CXCR2: variants seen among roughly 807,000 people sequenced by gnomAD.
CXCR2 encodes the protein C-X-C chemokine receptor type 2.
In CXCR2, 2 loss-of-function variants were observed where a neutral mutation model predicts 3.7. That is an observed-to-expected ratio of 0.55 (90% confidence interval 0.22 to 1.72). The LOEUF (loss-of-function observed/expected upper bound fraction) is 1.72. Among genes scored for constraint, CXCR2 ranks in the 40% most tolerant of loss-of-function variants. The pLI is 0.19. For missense variants in CXCR2, 351 were observed against 450.1 expected (o/e 0.78, Z 1.99); for synonymous variants, 203 against 193.3 (o/e 1.05, Z -0.41).
intron 2 of CXCR2, among the ~76,000 whole-genome samples, chr2:218,134,002 CG>C (rs1559452929): frequency 1.3e-5 from 2 of 152,232 alleles, no homozygotes. Flanking sequence ...ATTCCCAAAG[CG>C]GGTCTCCTTC....
Position 218,135,097 on chromosome 2 carries a change from T to C in CXCR2, c.296T>C (p.Leu99Pro). The part of the protein sequence containing the change: ...NLALADLLFA[L>P]TLPIWAASKV... ...GCCTTGGCCGACCTACTCTTTGCCC[T>C]GACCTTGCCCATCTGGGCCGCCTCC... The change falls in exon 3 of 3, where the codon CTG (leucine) becomes CCG (proline). Residue 99 changes from leucine (L) to proline (P), a missense_variant. Coordinates refer to ENST00000318507, the MANE Select transcript of CXCR2 (RefSeq NM_001557.4). The surrounding 1 kb of genome is among the most constrained non-coding windows in gnomAD (Gnocchi z 4.0). 2 of 1,614,256 alleles carry C rather than the reference T, an allele frequency of 1.2e-6. No homozygotes were observed. Among genetic ancestry groups the C allele is most frequent in the South Asian group, 1.1e-5 (1 of 91,086 alleles).
At chr2:218,134,628 C>G in intron 2 of CXCR2, 149 bp from the exon 3 acceptor site, 1 of 686,716 alleles carries the variant, frequency 1.5e-6, no homozygotes, top group South Asian at 2.1e-5. Context: ...TATCTCATAA[C>G]CTAAGAGCTA....
rs2228414 is a variant in CXCR2 at position 218,135,470 on chromosome 2, A to G, written c.669A>G (p.Pro223=). 2.1e-3 allele frequency: 3,326 copies of G among 1,614,144 alleles called. 82 individuals are homozygous for G. In the African/African-American group the frequency reaches 0.038, roughly 19 times the overall value. Reference sequence around the variant, plus strand: ...CCCAGTCCTTTGGCTTCATCGTGCCACTGCTGATCATGCTGTTCTGCTACG... The same window carrying G: ...CCCAGTCCTTTGGCTTCATCGTGCCGCTGCTGATCATGCTGTTCTGCTACG... ...ILPQSFGFIV[P]LLIMLFCYGF... The change falls in exon 3 of 3, where the codon CCA becomes CCG. Residue 223 remains proline, a synonymous_variant. Transcript: ENST00000318507. This position sits in a 1 kb window ranked among gnomAD's most constrained non-coding sequence, Gnocchi z 4.0.
rs771735134 is a variant in CXCR2, at chr2:218,135,435, C to T, written c.634C>T (p.Arg212Trp). 6.8e-6 allele frequency: 11 copies of T among 1,614,224 alleles called. No homozygotes were observed. Among genetic ancestry groups the T allele is most frequent in the Non-Finnish European group, 9.3e-6 (11 of 1,180,044 alleles). Reference protein sequence around the residue: ...NNTANWRMLLRILPQSFGFIV... With the variant: ...NNTANWRMLLWILPQSFGFIV... The stretch of plus-strand genomic sequence containing the variant: ...TACAGCAAACTGGCGGATGCTGTTA[C>T]GGATCCTGCCCCAGTCCTTTGGCTT... Residue 212 changes from arginine (R) to tryptophan (W), a missense_variant, in exon 3 of 3, where the codon CGG becomes TGG. Arg to Trp is a moderately radical substitution (Grantham distance 101). Coordinates refer to ENST00000318507, the MANE Select transcript of CXCR2 (RefSeq NM_001557.4). The surrounding 1 kb of genome is among the most constrained non-coding windows in gnomAD (Gnocchi z 4.0).
chr2:218,136,763 A>T lies in CXCR2; in HGVS notation c.*879A>T, dbSNP rs1299853902. Reference sequence around the variant, plus strand: ...GAAGTATCCTTCAGCCTGAAAGAGGAATGAAGTACTCATACATGTTACAAC... The same window carrying T: ...GAAGTATCCTTCAGCCTGAAAGAGGTATGAAGTACTCATACATGTTACAAC... On this transcript the variant is annotated 3_prime_UTR_variant, in exon 3 of 3. Coordinates refer to ENST00000318507, the MANE Select transcript of CXCR2 (RefSeq NM_001557.4). The T allele has an allele frequency of 1.2e-5, 2 of 167,134 alleles. No individual in the cohort carries two copies. Among genetic ancestry groups the T allele is most frequent in the African/African-American group, 4.8e-5 (2 of 41,466 alleles). 10.4% of individuals were successfully genotyped at this position (167,134 alleles called of 1,614,324 possible).
At position 218,136,910 on chromosome 2, in the gene CXCR2, AAC is replaced by A. The variant is rs1690823098; in HGVS notation, c.*1028_*1029del. 1 of 167,348 alleles carries A rather than the reference AAC, an allele frequency of 6.0e-6. No individual in the cohort carries two copies. Among genetic ancestry groups the A allele is most frequent in the Admixed American group, 6.5e-5 (1 of 15,286 alleles). 10.4% of individuals were successfully genotyped at this position (167,348 alleles called of 1,614,324 possible). On this transcript the variant is annotated 3_prime_UTR_variant, in exon 3 of 3. Transcript: ENST00000318507. ...ACAAATTTACAGAGACAGAAAGCAGAACAGTGATTACCAGGGACTGAGGGGAG... is the reference window on the plus strand; with the variant it reads ...ACAAATTTACAGAGACAGAAAGCAGAAGTGATTACCAGGGACTGAGGGGAG...
At chr2:218,131,114 C>T (rs1690634910) in intron 2 of CXCR2, 1 of 152,270 alleles carries the variant, frequency 6.6e-6, no homozygotes, top group Non-Finnish European at 1.5e-5. Flanking sequence ...ACATACAAGG[C>T]CCTGCTCTCT....
At chr2:218,125,449 C>T (rs1690486340), upstream of CXCR2, 2 of 152,038 alleles carry the variant, frequency 1.3e-5, no homozygotes, top group Non-Finnish European at 2.9e-5. Context: ...TGTTCAGTTC[C>T]TGCATTCGTT....
chr2:218,127,576 C>T (rs893738718), intron 1 of CXCR2, among the ~76,000 whole-genome samples: 1 of 152,190 alleles, frequency 6.6e-6, no homozygotes. Flanking sequence ...CTTTCTGGGA[C>T]ACAGGGAGGT....
intron 1 of CXCR2, among the ~76,000 whole-genome samples, chr2:218,127,416 C>T (rs1486273356): frequency 7.9e-5 from 12 of 152,184 alleles, no homozygotes; most frequent in African/African-American, 9.7e-5. Context: ...CATGAGCCAC[C>T]GCACCAGAAG....
intron 2 of CXCR2, among the ~76,000 whole-genome samples, chr2:218,130,156 T>TA (rs1157426356): frequency 6.6e-6 from 1 of 152,126 alleles, no homozygotes; most frequent in African/African-American, 2.4e-5. Flanking sequence ...CACGGTGGCT[T>TA]ACACCTGTAA....
chr2:218,131,179 T>A lies in CXCR2; in HGVS notation c.-26+1814T>A, dbSNP rs140829548. On this transcript the variant is annotated intron_variant, in intron 2 of 2. Coordinates refer to ENST00000318507, the MANE Select transcript of CXCR2 (RefSeq NM_001557.4). ...CCCTACATCTACTCTCAAAGATGGGTCTTCTGTTGGGTCATTTGTTCCCTT... is the reference window on the plus strand; with the variant it reads ...CCCTACATCTACTCTCAAAGATGGGACTTCTGTTGGGTCATTTGTTCCCTT... Among the ~76,000 whole-genome samples the A allele has an allele frequency of 3.3e-3, 506 of 152,344 alleles. 1 individual carries two copies. The highest frequency in any genetic ancestry group is 5.7e-3 in the Non-Finnish European group (386 of 68,024).
rs17844680 is a variant in CXCR2, at chr2:218,128,398, G to T, written c.-77-916G>T. 8.3e-3 allele frequency among the ~76,000 whole-genome samples: 1,270 copies of T among 152,290 alleles called. 23 individuals carry two copies. The highest frequency in any genetic ancestry group is 0.029 in the African/African-American group (1,203 of 41,552). ...GCCACAGGGATTGAGTCCCCTCTGG[G>T]CCCTGGGATGCATGGAGCAAGAGAT... On this transcript the variant is annotated intron_variant, in intron 1 of 2. Coordinates refer to ENST00000318507, the MANE Select transcript of CXCR2 (RefSeq NM_001557.4).
In CXCR2 at chr2:218,135,670, A is replaced by G; in HGVS notation, c.869A>G (p.Asn290Ser). The stretch of plus-strand genomic sequence containing the variant: ...ATCCAGGAGACCTGTGAGCGCCGCA[A>G]TCACATCGACCGGGCTCTGGATGCC... The part of the protein sequence containing the change: ...QVIQETCERR[N>S]HIDRALDATE... The change falls in exon 3 of 3, where the codon AAT becomes AGT. Residue 290 changes from asparagine to serine, a missense_variant. Transcript: ENST00000318507. The surrounding 1 kb of genome is among the most constrained non-coding windows in gnomAD (Gnocchi z 4.0). 1 of 1,613,984 alleles carries G rather than the reference A, an allele frequency of 6.2e-7. No homozygotes were observed. The highest frequency in any genetic ancestry group is 8.5e-7 in the Non-Finnish European group (1 of 1,179,970).
intron 2 of CXCR2, among the ~76,000 whole-genome samples, chr2:218,130,374 C>T (rs1344222238): frequency 6.6e-6 from 1 of 152,064 alleles, no homozygotes; most frequent in African/African-American, 2.4e-5. Flanking sequence ...GAGCCGAGAT[C>T]ACGCCATTGC....
intron 1 of CXCR2, among the ~76,000 whole-genome samples, chr2:218,128,221 A>C (rs906394865): frequency 2.6e-5 from 4 of 152,240 alleles, no homozygotes; most frequent in Non-Finnish European, 4.4e-5. Flanking sequence ...ATATGTAATA[A>C]GCCTCTATCT....
At chr2:218,132,241 A>T (rs2106104333) in intron 2 of CXCR2, among the ~76,000 whole-genome samples, 1 of 152,292 alleles carries the variant, frequency 6.6e-6, no homozygotes, top group Admixed American at 6.5e-5. Flanking sequence ...AGTCATTAAC[A>T]TTCCTCTCCC....
At position 218,135,503 on chromosome 2, in the gene CXCR2, C is replaced by T. The variant is rs750743590; in HGVS notation, c.702C>T (p.Thr234=). Residue 234 remains threonine, a synonymous_variant, in exon 3 of 3, where the codon ACC becomes ACT. Coordinates refer to ENST00000318507, the MANE Select transcript of CXCR2 (RefSeq NM_001557.4). This position sits in a 1 kb window ranked among gnomAD's most constrained non-coding sequence, Gnocchi z 4.0. ...LLIMLFCYGF[T]LRTLFKAHMG... is the part of the protein sequence containing the mutation. Reference sequence around the variant, plus strand: ...TCATGCTGTTCTGCTACGGATTCACCCTGCGTACGCTGTTTAAGGCCCACA... The same window carrying T: ...TCATGCTGTTCTGCTACGGATTCACTCTGCGTACGCTGTTTAAGGCCCACA... 2 of 1,614,190 alleles carry T rather than the reference C, an allele frequency of 1.2e-6. No individual in the cohort carries two copies. Among genetic ancestry groups the T allele is most frequent in the South Asian group, 2.2e-5 (2 of 91,082 alleles).
rs200811589 is a variant in CXCR2, at chr2:218,135,908, C to A, written c.*24C>A. 4 of 1,576,404 alleles carry A rather than the reference C, an allele frequency of 2.5e-6. No homozygotes were observed. The highest frequency in any genetic ancestry group is 3.6e-5 in the Admixed American group (2 of 55,948). On this transcript the variant is annotated 3_prime_UTR_variant, in exon 3 of 3. Coordinates refer to ENST00000318507, the MANE Select transcript of CXCR2 (RefSeq NM_001557.4). This position sits in a 1 kb window ranked among gnomAD's most constrained non-coding sequence, Gnocchi z 4.0. ...AAGACCTCCTGCCTAAGTGCAGCCC[C>A]GTGGGGTTCCTCCCTTCTCTTCACA...
Sources: gnomAD v4.1 joint callset for allele counts (sites outside exome capture counted in the v4.1 genomes callset) on GRCh38, gnomAD v4.1.1 for gene constraint, Gnocchi (gnomAD v3.1) non-coding constraint, MANE v1.5 for transcripts, NCBI Gene and HGNC (gene_info 2026-07-23, HGNC 2026-07-21) for gene names.